Variants in SNTG1 observed in about 807,000 individuals in gnomAD.
SNTG1 encodes the protein syntrophin gamma 1, also known as gamma-1-syntrophin.
In SNTG1, 39 loss-of-function variants were observed where a neutral mutation model predicts 74.7. That is an observed-to-expected ratio of 0.52 (90% CI 0.40 to 0.68). The LOEUF (loss-of-function observed/expected upper bound fraction) is 0.68. Among genes scored for constraint, SNTG1 ranks in the 30% least tolerant of loss-of-function variants. The probability of loss-of-function intolerance (pLI) is 0.00; values close to 1 mark genes in which losing one functional copy is unlikely to be tolerated. For missense variants in SNTG1, 685 were observed against 609.5 expected (o/e 1.12, Z -1.30); for synonymous variants, 254 against 217.1 (o/e 1.17, Z -1.49).
intron 1 of SNTG1, among the ~76,000 whole-genome samples, chr8:50,135,430 T>C (rs2131427350): frequency 6.6e-6 from 1 of 152,328 alleles, no homozygotes; most frequent in East Asian, 1.9e-4. Context: ...TGTCATTATT[T>C]GAATTGTTAT....
intron 2 of SNTG1, among the ~76,000 whole-genome samples, chr8:50,245,411 GGTGGCTCACACCTGTAATCTCA>G (rs1025156373): frequency 1.3e-5 from 2 of 151,992 alleles, no homozygotes; most frequent in African/African-American, 2.4e-5. Context: ...GCCTGAGTGT[GGTGGCTCACACCTGTAATCTCA>G]GCACTTTGGA....
intron 2 of SNTG1, among the ~76,000 whole-genome samples, chr8:50,199,906 C>A (rs941824254): frequency 1.3e-5 from 2 of 152,076 alleles, no homozygotes; most frequent in African/African-American, 2.4e-5. Flanking sequence ...AATTAGGGAA[C>A]CTGTATTGTG....
chr8:50,064,090 A>G (rs1480847421), intron 1 of SNTG1, among the ~76,000 whole-genome samples: 1 of 152,212 alleles, frequency 6.6e-6, no homozygotes, highest in African/African-American at 2.4e-5. Context: ...CTCTGGGGCT[A>G]TTATAAGATT....
intron 15 of SNTG1, among the ~76,000 whole-genome samples, chr8:50,676,019 T>C (rs2095308278): frequency 6.6e-6 from 1 of 152,074 alleles, no homozygotes; most frequent in Non-Finnish European, 1.5e-5. Flanking sequence ...CTGATGGGCT[T>C]CCTTTTGTAA....
chr8:50,470,041 C>A (rs2093639641), intron 8 of SNTG1, among the ~76,000 whole-genome samples: 1 of 152,124 alleles, frequency 6.6e-6, no homozygotes, highest in Non-Finnish European at 1.5e-5. Context: ...ACAATAGAAG[C>A]CGTTTGCCAT....
At chr8:50,530,387 A>T in intron 10 of SNTG1, 128 bp downstream of exon 10, 1 of 933,330 alleles carries the variant, frequency 1.1e-6, no homozygotes, top group Middle Eastern at 2.4e-4. Flanking sequence ...GAATTATGAT[A>T]AACAAGAAAT....
chr8:50,464,065 C>T (rs2093589424), intron 8 of SNTG1, among the ~76,000 whole-genome samples: 1 of 152,160 alleles, frequency 6.6e-6, no homozygotes, highest in African/African-American at 2.4e-5. Context: ...TCAGTGTCCT[C>T]ATTTCTCTCA....
intron 8 of SNTG1, among the ~76,000 whole-genome samples, chr8:50,459,516 C>A (rs998651046): frequency 6.6e-6 from 1 of 151,910 alleles, no homozygotes; most frequent in Non-Finnish European, 1.5e-5. Context: ...AAATGATATA[C>A]ATTTTTTCTT....
chr8:50,740,379 TCAA>T (rs1381273268), intron 17 of SNTG1, among the ~76,000 whole-genome samples: 2 of 141,024 alleles, frequency 1.4e-5, no homozygotes, highest in African/African-American at 5.4e-5. Flanking sequence ...AAAAAAAACC[TCAA>T]CATCACTGAT....
At chr8:50,642,330 C>A (rs1165093355) in intron 13 of SNTG1, among the ~76,000 whole-genome samples, 1 of 152,072 alleles carries the variant, frequency 6.6e-6, no homozygotes, top group African/African-American at 2.4e-5. Context: ...TGCTTCTTTT[C>A]TTTCTTTCTC....
At chr8:50,693,880 G>A (rs1204304194) in intron 15 of SNTG1, among the ~76,000 whole-genome samples, 1 of 152,048 alleles carries the variant, frequency 6.6e-6, no homozygotes, top group East Asian at 1.9e-4. Flanking sequence ...TGATAAAATT[G>A]AAAGATACAT....
intron 18 of SNTG1, among the ~76,000 whole-genome samples, chr8:50,773,917 A>T (rs1048714115): frequency 6.6e-6 from 1 of 152,276 alleles, no homozygotes; most frequent in Admixed American, 6.6e-5. Context: ...AGTAATGAAA[A>T]GAATCAAATA....
intron 1 of SNTG1, among the ~76,000 whole-genome samples, chr8:50,150,518 T>C (rs2082029502): frequency 6.6e-6 from 1 of 152,196 alleles, no homozygotes; most frequent in Non-Finnish European, 1.5e-5. Flanking sequence ...CAGTATGATA[T>C]TGGCTGTGGG....
intron 18 of SNTG1, among the ~76,000 whole-genome samples, chr8:50,779,150 C>T (rs902110953): frequency 2.6e-5 from 4 of 152,032 alleles, no homozygotes; most frequent in Non-Finnish European, 4.4e-5. Context: ...GCCTCCAGCT[C>T]TGTTCTTTTG....
intron 1 of SNTG1, among the ~76,000 whole-genome samples, chr8:50,066,781 C>T (rs1320409035): frequency 6.6e-6 from 1 of 152,186 alleles, no homozygotes; most frequent in Non-Finnish European, 1.5e-5. Flanking sequence ...TCTTCACAGA[C>T]AATTCCCTCT....
chr8:50,630,617 CTTT>C (rs1389249317), intron 13 of SNTG1, among the ~76,000 whole-genome samples: 5 of 152,294 alleles, frequency 3.3e-5, no homozygotes, highest in Admixed American at 6.5e-5. Context: ...AGCACCTCCT[CTTT>C]ATTTATACAA....
chr8:50,283,511 G>A (rs2088591139), intron 2 of SNTG1, among the ~76,000 whole-genome samples: 1 of 152,140 alleles, frequency 6.6e-6, no homozygotes, highest in Non-Finnish European at 1.5e-5. Context: ...GGAAATATAG[G>A]AATATGGAAC....
intron 1 of SNTG1, among the ~76,000 whole-genome samples, chr8:50,143,357 T>C (rs2081742427): frequency 6.6e-6 from 1 of 152,192 alleles, no homozygotes; most frequent in African/African-American, 2.4e-5. Context: ...TTGTGTTTGT[T>C]CCTTATCCTC....
At position 50,045,464 on chromosome 8, in the gene SNTG1, G is replaced by A. The variant is rs1337181416; in HGVS notation, c.-102-127097G>A. ...TTGTGAGGACAGCTAAGCCATTAAT[G>A]ACAATTTCACCCCCATGATCCAATC... On this transcript the variant is annotated intron_variant, in intron 1 of 18. Transcript: ENST00000642720. Among the ~76,000 whole-genome samples the A allele has an allele frequency of 2.6e-5, 4 of 152,054 alleles. No homozygotes were observed. In the South Asian group the frequency reaches 6.2e-4, roughly 24 times the overall value.
Sources: gnomAD v4.1 joint callset for allele counts (sites outside exome capture counted in the v4.1 genomes callset) on GRCh38, gnomAD v4.1.1 for gene constraint, MANE v1.5 for transcripts, NCBI Gene and HGNC (gene_info 2026-07-23, HGNC 2026-07-21) for gene names.